The following EPM2A variants were observed in gnomAD, a reference collection of about 807,000 sequenced individuals.
EPM2A encodes laforin.
Under a neutral mutation model 26.5 loss-of-function variants are expected in EPM2A, and 21 were observed. The ratio of observed to expected loss-of-function variants is 0.79; its 90% CI spans 0.56 to 1.14. The LOEUF is 1.14. EPM2A is among the 50% of genes most tolerant of loss of function. The pLI, the probability that EPM2A is intolerant of heterozygous loss-of-function variation, is 0.00. For missense variants in EPM2A, 458 were observed against 440.8 expected, an observed-to-expected ratio of 1.04 and a Z score of -0.35; for synonymous variants, 217 against 177.6, an observed-to-expected ratio of 1.22 and a Z score of -1.76.
At chr6:145,688,249 G>C (rs1050542494) in intron 1 of EPM2A, among the ~76,000 whole-genome samples, 5 of 152,136 alleles carry the variant, frequency 3.3e-5, no homozygotes, top group African/African-American at 1.2e-4. Flanking sequence ...GAAGCAGAGA[G>C]TCCATTTAAG....
intron 2 of EPM2A, chr6:145,682,318 C>G (rs1780602677): frequency 6.6e-6 from 1 of 152,166 alleles, no homozygotes; most frequent in Non-Finnish European, 1.5e-5. Flanking sequence ...TCCCACTAGT[C>G]TCTCCTACAA....
At position 145,564,129 on chromosome 6, in the gene EPM2A, CT is replaced by C. The variant is rs1344878452; in HGVS notation, c.341-61555del. Among the ~76,000 whole-genome samples the C allele has an allele frequency of 2.0e-5, 3 of 152,128 alleles. 1 individual carries two copies. In the East Asian group the frequency reaches 5.8e-4, roughly 29 times the overall value. ...AAGAAAAGAATGACAAGAAAAATGT[CT>C]GTACCTGTTTAGTGCAGACGCAATT... On this transcript the variant is annotated intron_variant, in intron 2 of 3. Coordinates refer to the EPM2A transcript ENST00000450221.
At chr6:145,719,536 TG>T (rs1775837034) in intron 1 of EPM2A, among the ~76,000 whole-genome samples, 1 of 151,838 alleles carries the variant, frequency 6.6e-6, no homozygotes, top group African/African-American at 2.4e-5. Flanking sequence ...GACAAGTTAG[TG>T]GGTGCAGCAC....
intron 4 of EPM2A, among the ~76,000 whole-genome samples, chr6:145,421,617 G>GA (rs897866247): frequency 1.3e-5 from 2 of 151,414 alleles, no homozygotes; most frequent in African/African-American, 4.8e-5. Context: ...AAAAGCAGGA[G>GA]AAAAAAAGAG....
chr6:145,682,049 T>C (rs1306783321), intron 2 of EPM2A, among the ~76,000 whole-genome samples: 1 of 152,184 alleles, frequency 6.6e-6, no homozygotes, highest in African/African-American at 2.4e-5. Context: ...GTTTTCACTC[T>C]GCTAATAAAG....
At chr6:145,442,127 C>T (rs1349977237) in intron 4 of EPM2A, among the ~76,000 whole-genome samples, 5 of 152,114 alleles carry the variant, frequency 3.3e-5, no homozygotes, top group East Asian at 1.9e-4. Flanking sequence ...TTTCATTGTC[C>T]GTATCATTAT....
chr6:145,676,929 T>G (rs1780089940), intron 2 of EPM2A, among the ~76,000 whole-genome samples: 1 of 152,228 alleles, frequency 6.6e-6, no homozygotes, highest in South Asian at 2.1e-4. Context: ...ACTCATTTTA[T>G]GAGGCTAGCA....
chr6:145,728,868 G>A (rs1409744809), intron 1 of EPM2A, among the ~76,000 whole-genome samples: 2 of 152,178 alleles, frequency 1.3e-5, no homozygotes, highest in Non-Finnish European at 2.9e-5. Context: ...CTCCATAGCA[G>A]CCCCTCTCAC....
chr6:145,390,348 C>A (rs1778321016), intron 4 of EPM2A, among the ~76,000 whole-genome samples: 1 of 151,734 alleles, frequency 6.6e-6, no homozygotes, highest in African/African-American at 2.4e-5. Context: ...AACACCTTCA[C>A]AGAAACATCC....
chr6:145,430,532 C>A (rs532173571), intron 4 of EPM2A, among the ~76,000 whole-genome samples: 10 of 151,382 alleles, frequency 6.6e-5, no homozygotes, highest in African/African-American at 2.4e-4. Flanking sequence ...ACCTGGAGGG[C>A]GGAGGTTGCA....
chr6:145,467,963 A>T (rs1171146192), intron 4 of EPM2A, among the ~76,000 whole-genome samples: 1 of 151,608 alleles, frequency 6.6e-6, no homozygotes, highest in African/African-American at 2.4e-5. Flanking sequence ...TTTTCAGTTT[A>T]TTTTCTTGGG....
chr6:145,606,425 A>G (rs964944773), intron 2 of EPM2A, among the ~76,000 whole-genome samples: 1 of 151,888 alleles, frequency 6.6e-6, no homozygotes, highest in Non-Finnish European at 1.5e-5. Flanking sequence ...ATATTTAAAC[A>G]TTAAATATTT....
chr6:145,385,598 A>C (rs991664695), intron 4 of EPM2A, among the ~76,000 whole-genome samples: 3 of 152,096 alleles, frequency 2.0e-5, no homozygotes, highest in African/African-American at 7.2e-5. Flanking sequence ...TTATCTGGGC[A>C]TTTTTATATT....
At chr6:145,650,082 T>C (rs905563415) in intron 2 of EPM2A, among the ~76,000 whole-genome samples, 4 of 152,196 alleles carry the variant, frequency 2.6e-5, no homozygotes, top group Admixed American at 6.5e-5. Context: ...AAACATCTGC[T>C]GGAAAGGATA....
At chr6:145,619,346 C>T (rs1219230470) in intron 2 of EPM2A, among the ~76,000 whole-genome samples, 4 of 152,202 alleles carry the variant, frequency 2.6e-5, no homozygotes, top group Admixed American at 6.5e-5. Flanking sequence ...CTCCTCCTGA[C>T]ATCTGAATGG....
intron 4 of EPM2A, among the ~76,000 whole-genome samples, chr6:145,395,314 A>T (rs1778390101): frequency 1.3e-5 from 2 of 151,924 alleles, no homozygotes; most frequent in African/African-American, 2.4e-5. Flanking sequence ...CTCACCCCCT[A>T]CTCTGGGACA....
At chr6:145,580,040 T>C (rs1354102298) in intron 2 of EPM2A, among the ~76,000 whole-genome samples, 1 of 152,160 alleles carries the variant, frequency 6.6e-6, no homozygotes, top group Non-Finnish European at 1.5e-5. Flanking sequence ...ACTACATTCT[T>C]AAAATTTTTT....
intron 1 of EPM2A, among the ~76,000 whole-genome samples, chr6:145,724,075 C>G (rs1337304613): frequency 6.6e-6 from 1 of 151,956 alleles, no homozygotes; most frequent in East Asian, 1.9e-4. Flanking sequence ...AGTAAAGAAC[C>G]CAGAGTTCAT....
At position 145,443,261 on chromosome 6, in the gene EPM2A, G is replaced by A. The variant is rs143264488; in HGVS notation, c.556-59164C>T. ...CCTTAGAATACATTTTTCTAGTTCC[G>A]TGAAGAATGACATTGGTAGTTTGAT... On this transcript the variant is annotated intron_variant, in intron 4 of 4. Transcript: ENST00000638717. Among the ~76,000 whole-genome samples the A allele has an allele frequency of 8.3e-3, 1,257 of 152,144 alleles. 19 individuals are homozygous for A. The highest frequency in any genetic ancestry group is 0.029 in the African/African-American group (1,194 of 41,508).
Sources: allele counts gnomAD v4.1 joint callset (sites outside exome capture counted in the v4.1 genomes callset), GRCh38; gene constraint gnomAD v4.1.1; transcripts MANE v1.5; gene names NCBI Gene and HGNC (gene_info 2026-07-23, HGNC 2026-07-21).